Variants in PLCE1 observed in about 807,000 individuals in gnomAD.
The protein encoded by PLCE1 is phospholipase C epsilon 1, also known as 1-phosphatidylinositol 4,5-bisphosphate phosphodiesterase epsilon-1.
In PLCE1, 119 loss-of-function variants were observed where a neutral mutation model predicts 242.8. The observed-to-expected ratio is 0.49, with a 90% CI of 0.42 to 0.57. PLCE1 has a LOEUF of 0.57. Among genes scored for constraint, PLCE1 ranks in the 20% least tolerant of loss-of-function variants. The pLI is 0.00. For synonymous variants in PLCE1, 945 were observed against 1,017.4 expected (o/e 0.93, Z 1.35); for missense variants, 2,441 against 2,788.8 (o/e 0.88, Z 2.81).
intron 7 of PLCE1, among the ~76,000 whole-genome samples, chr10:94,243,780 G>A (rs1170118210): frequency 6.6e-6 from 1 of 151,540 alleles, no homozygotes; most frequent in Non-Finnish European, 1.5e-5. Flanking sequence ...GTTTTTCTTT[G>A]TAGTTTTTCT....
At chr10:94,206,060 G>A (rs1431393610) in intron 4 of PLCE1, among the ~76,000 whole-genome samples, 1 of 152,164 alleles carries the variant, frequency 6.6e-6, no homozygotes, top group East Asian at 1.9e-4. Context: ...CCTATGATAA[G>A]CGCCAGGGAG....
chr10:94,317,574 T>C (rs1241952707), intron 29 of PLCE1, among the ~76,000 whole-genome samples: 1 of 152,172 alleles, frequency 6.6e-6, no homozygotes, highest in African/African-American at 2.4e-5. Context: ...CAGAACTTCA[T>C]ACAAAGTAAG....
chr10:94,178,794 A>G (rs540017219), intron 4 of PLCE1, among the ~76,000 whole-genome samples: 34 of 152,222 alleles, frequency 2.2e-4, no homozygotes, highest in Non-Finnish European at 4.6e-4. Flanking sequence ...AGCATATTAT[A>G]ACGATGTGAG....
intron 7 of PLCE1, among the ~76,000 whole-genome samples, chr10:94,244,136 G>C (rs918568312): frequency 1.3e-5 from 2 of 152,064 alleles, no homozygotes; most frequent in African/African-American, 4.8e-5. Flanking sequence ...GAATATCCAC[G>C]TGTGGGGCAA....
intron 2 of PLCE1, among the ~76,000 whole-genome samples, chr10:94,114,507 T>C (rs951276623): frequency 6.6e-5 from 10 of 152,186 alleles, no homozygotes; most frequent in Non-Finnish European, 4.4e-5. Context: ...CTCTCAGGGC[T>C]CAGTTCATTC....
intron 2 of PLCE1, among the ~76,000 whole-genome samples, chr10:94,070,297 C>A (rs2044314525): frequency 6.6e-6 from 1 of 152,180 alleles, no homozygotes; most frequent in Non-Finnish European, 1.5e-5. Context: ...AGGAGGCATA[C>A]ATTTTCTTAT....
intron 3 of PLCE1, among the ~76,000 whole-genome samples, chr10:94,159,159 A>T (rs1443973635): frequency 3.3e-5 from 5 of 152,074 alleles, no homozygotes; most frequent in Non-Finnish European, 7.4e-5. Flanking sequence ...CTTAACACTC[A>T]GTCTGAATAT....
At chr10:94,052,637 T>G (rs2043796456) in intron 2 of PLCE1, among the ~76,000 whole-genome samples, 1 of 152,230 alleles carries the variant, frequency 6.6e-6, no homozygotes, top group African/African-American at 2.4e-5. Context: ...TTTTCTTTCT[T>G]TCTTTTTCTT....
intron 2 of PLCE1, among the ~76,000 whole-genome samples, chr10:94,035,742 A>G (rs1242949340): frequency 2.6e-5 from 4 of 152,148 alleles, no homozygotes; most frequent in African/African-American, 9.7e-5. Flanking sequence ...GGTGTTCTGT[A>G]TATCTTGTTT....
intron 2 of PLCE1, among the ~76,000 whole-genome samples, chr10:94,054,307 A>G (rs2043842826): frequency 6.6e-6 from 1 of 152,198 alleles, no homozygotes; most frequent in South Asian, 2.1e-4. Context: ...CCATATTTCC[A>G]GACTCCCTTG....
At chr10:94,126,152 T>C (rs925372321) in intron 2 of PLCE1, among the ~76,000 whole-genome samples, 2 of 152,228 alleles carry the variant, frequency 1.3e-5, no homozygotes, top group South Asian at 4.1e-4. Context: ...TGCTTGCTTT[T>C]CTCTAAGTCA....
rs1589512227 is a variant in PLCE1, at chr10:94,306,364, G to A, written c.5623-63G>A. ...CCTTTGCAGAGGGAAGCAGTGAGGT[G>A]CAGAGGTTGTCTTTCTTTTTTATCC... On this transcript the variant is annotated intron_variant, in intron 25 of 32. Transcript: ENST00000371380. This position sits in a 1 kb window ranked among gnomAD's most constrained non-coding sequence, Gnocchi z 5.7. The A allele has an allele frequency of 6.2e-7, 1 of 1,613,636 alleles. No homozygotes were observed. The highest frequency in any genetic ancestry group is 8.5e-7 in the Non-Finnish European group (1 of 1,179,698).
At chr10:94,203,348 T>C (rs1247064259) in intron 4 of PLCE1, among the ~76,000 whole-genome samples, 2 of 152,186 alleles carry the variant, frequency 1.3e-5, no homozygotes, top group Non-Finnish European at 2.9e-5. Context: ...CATCTTTACA[T>C]TTGCTACATA....
At chr10:94,043,142 A>G (rs2061802369) in intron 2 of PLCE1, among the ~76,000 whole-genome samples, 1 of 152,218 alleles carries the variant, frequency 6.6e-6, no homozygotes, top group Non-Finnish European at 1.5e-5. Context: ...CCCTGCAAGT[A>G]TAACTTTTCT....
intron 4 of PLCE1, among the ~76,000 whole-genome samples, chr10:94,181,340 A>G (rs546143859): frequency 2.6e-5 from 4 of 152,246 alleles, no homozygotes; most frequent in African/African-American, 9.6e-5. Flanking sequence ...TGGGAGGCCA[A>G]CATGGGTGGA....
chr10:94,000,768 A>C (rs1165374477), intron 1 of PLCE1, among the ~76,000 whole-genome samples: 1 of 152,198 alleles, frequency 6.6e-6, no homozygotes, highest in African/African-American at 2.4e-5. Flanking sequence ...CTTCATATAC[A>C]GTGCCACTGA....
In PLCE1 at chr10:94,299,383, C is replaced by CAA. The variant is rs1480156089; in HGVS notation, c.5458+716_5458+717dup. The stretch of plus-strand genomic sequence containing the variant: ...TTATGATCGCCATTTCTCAGATGAG[C>CAA]AAATCAAGGCACAAATTGGTTAATT... On this transcript the variant is annotated intron_variant, in intron 24 of 32. Transcript: ENST00000371380. Among the ~76,000 whole-genome samples, 11 of 152,118 alleles carry CAA rather than the reference C, an allele frequency of 7.2e-5. No individual in the cohort carries two copies. The South Asian group carries it at 2.3e-3, about 32-fold the overall frequency.
intron 2 of PLCE1, among the ~76,000 whole-genome samples, chr10:94,059,344 G>A (rs540396379): frequency 6.6e-6 from 1 of 152,320 alleles, no homozygotes; most frequent in South Asian, 2.1e-4. Flanking sequence ...GAGATGGACA[G>A]TGCCAGGTTG....
At chr10:94,019,024 T>A (rs1363852759) in intron 1 of PLCE1, among the ~76,000 whole-genome samples, 3 of 152,236 alleles carry the variant, frequency 2.0e-5, no homozygotes, top group Non-Finnish European at 4.4e-5. Flanking sequence ...GAGAGGTTTT[T>A]ATAATGATAA....
Sources: allele counts gnomAD v4.1 joint callset (sites outside exome capture counted in the v4.1 genomes callset), GRCh38; gene constraint gnomAD v4.1.1; non-coding constraint Gnocchi (gnomAD v3.1); transcripts MANE v1.5; gene names NCBI Gene and HGNC (gene_info 2026-07-23, HGNC 2026-07-21).